CR1L: variants seen among roughly 807,000 people sequenced by gnomAD.
The protein encoded by CR1L is complement C3b/C4b receptor 1 like, also known as complement component receptor 1-like protein.
CR1L carries 59 observed loss-of-function variants against 62.3 expected under a neutral mutation model. The ratio of observed to expected loss-of-function variants is 0.95; its 90% CI spans 0.77 to 1.18. The LOEUF is 1.18. Among genes scored for constraint, CR1L ranks in the 50% most tolerant of loss-of-function variants. CR1L has a pLI of 0.00. For missense variants in CR1L, 700 were observed against 702.8 expected (o/e 1.00, Z 0.04); for synonymous variants, 279 against 248.7 (o/e 1.12, Z -1.15).
chr1:207,683,713 T>A (rs945562367), intron 3 of CR1L, among the ~76,000 whole-genome samples, 159 bp from the exon 4 acceptor site: 3 of 152,100 alleles, frequency 2.0e-5, no homozygotes, highest in African/African-American at 7.2e-5. Context: ...AATGACAAAG[T>A]CCCAAGAATG....
At chr1:207,673,244 A>C (rs1663640635) in intron 1 of CR1L, among the ~76,000 whole-genome samples, 1 of 152,222 alleles carries the variant, frequency 6.6e-6, no homozygotes, top group Non-Finnish European at 1.5e-5. Context: ...TTAAGTGATC[A>C]TGATTAACAG....
chr1:207,720,894 C>T (rs1242735743), intron 11 of CR1L, among the ~76,000 whole-genome samples: 4 of 152,176 alleles, frequency 2.6e-5, no homozygotes, highest in Admixed American at 1.3e-4. Context: ...AAAGCAACTG[C>T]TTTCCTAGAG....
intron 11 of CR1L, among the ~76,000 whole-genome samples, chr1:207,717,903 T>A (rs1286419557): frequency 2.0e-5 from 3 of 151,414 alleles, no homozygotes; most frequent in Non-Finnish European, 2.9e-5. Context: ...GTGAGGAGGG[T>A]GGGATGGTAA....
chr1:207,677,269 C>A, intron 1 of CR1L, 120 bp from the exon 2 acceptor site: 2 of 1,018,836 alleles, frequency 2.0e-6, no homozygotes, highest in East Asian at 2.9e-5. Flanking sequence ...GATCGCACCA[C>A]TGCACTCCAG....
intron 10 of CR1L, among the ~76,000 whole-genome samples, chr1:207,715,662 G>T (rs988370205): frequency 1.3e-5 from 2 of 151,210 alleles, no homozygotes; most frequent in Non-Finnish European, 3.0e-5. Context: ...GCACATTTTA[G>T]TCAGTCATTT....
At chr1:207,663,950 C>A (rs1286533243) in intron 1 of CR1L, among the ~76,000 whole-genome samples, 1 of 152,198 alleles carries the variant, frequency 6.6e-6, no homozygotes, top group East Asian at 1.9e-4. Flanking sequence ...CTCTTCCCTG[C>A]CTGCAGTCTT....
At chr1:207,696,705 CTG>C (rs1284424573) in intron 5 of CR1L, among the ~76,000 whole-genome samples, 1 of 152,186 alleles carries the variant, frequency 6.6e-6, no homozygotes, top group African/African-American at 2.4e-5. Flanking sequence ...CAAAGACAAA[CTG>C]AAATTATTTT....
intron 10 of CR1L, chr1:207,710,776 G>A: frequency 6.2e-7 from 1 of 1,601,178 alleles, no homozygotes; most frequent in Non-Finnish European, 8.5e-7. Flanking sequence ...CTACCAAGCT[G>A]CTCCAGGGGT....
chr1:207,678,279 A>C lies in CR1L; in HGVS notation c.359A>C (p.Lys120Thr), dbSNP rs748271995. ...IKDIQFRSQI[K>T]YSCPKGYRLI... ...GACATCCAGTTCAGATCCCAAATTA[A>C]ATATTCTTGTCCTAAAGGGTGAGTT... Residue 120 changes from lysine (K) to threonine (T), a missense_variant, in exon 3 of 12, where the codon AAA becomes ACA. Coordinates refer to ENST00000508064, the MANE Select transcript of CR1L (RefSeq NM_175710.2). 2 of 1,613,242 alleles carry C rather than the reference A, an allele frequency of 1.2e-6. No individual in the cohort carries two copies. The highest frequency in any genetic ancestry group is 2.7e-5 in the African/African-American group (2 of 74,898).
At chr1:207,702,056 T>C (rs1435385716) in intron 9 of CR1L, among the ~76,000 whole-genome samples, 1 of 152,178 alleles carries the variant, frequency 6.6e-6, no homozygotes, top group African/African-American at 2.4e-5. Flanking sequence ...GTTATGCTTT[T>C]TACAAATTGA....
intron 1 of CR1L, among the ~76,000 whole-genome samples, chr1:207,675,241 T>C (rs1258978316): frequency 6.6e-6 from 1 of 151,166 alleles, no homozygotes; most frequent in Admixed American, 6.6e-5. Flanking sequence ...ATTATTGATA[T>C]GAAAGGAAAA....
chr1:207,652,886 T>C (rs1310339401), intron 1 of CR1L, among the ~76,000 whole-genome samples: 6 of 152,088 alleles, frequency 3.9e-5, no homozygotes, highest in Non-Finnish European at 5.9e-5. Flanking sequence ...CTTTGAGAAA[T>C]TGAAATCTCC....
intron 1 of CR1L, among the ~76,000 whole-genome samples, chr1:207,665,946 G>A (rs1663515990): frequency 6.6e-6 from 1 of 152,194 alleles, no homozygotes; most frequent in Non-Finnish European, 1.5e-5. Context: ...ATACACGTGT[G>A]TTGGACCATG....
intron 4 of CR1L, among the ~76,000 whole-genome samples, chr1:207,688,670 A>T (rs1445691813): frequency 6.6e-6 from 1 of 152,202 alleles, no homozygotes; most frequent in East Asian, 1.9e-4. Flanking sequence ...CAATTTGTAG[A>T]CATTAACAAA....
rs930417844 is a variant in CR1L, at chr1:207,703,979, GA to G, written c.1328+2370del. 2.0e-4 allele frequency among the ~76,000 whole-genome samples: 30 copies of G among 149,694 alleles called. No individual in the cohort carries two copies. The East Asian group carries it at 2.4e-3, about 12-fold the overall frequency. The stretch of plus-strand genomic sequence containing the variant: ...AAAAAAAAGAAAAAGAAAAGAAAAG[GA>G]AAAAAAAATACATTTTGTAAGGCTA... On this transcript the variant is annotated intron_variant, in intron 9 of 11. Transcript: ENST00000508064.
chr1:207,715,543 C>T, intron 10 of CR1L: 1 of 463,724 alleles, frequency 2.2e-6, no homozygotes, highest in South Asian at 2.2e-5. Context: ...CAAGAAGGGT[C>T]TTGTAGGACT....
chr1:207,703,775 T>G (rs1664227689), intron 9 of CR1L, among the ~76,000 whole-genome samples: 2 of 152,168 alleles, frequency 1.3e-5, no homozygotes, highest in South Asian at 4.1e-4. Context: ...GCCAACATAG[T>G]GAAACCCCGT....
At chr1:207,678,944 T>A (rs1158360992) in intron 3 of CR1L, among the ~76,000 whole-genome samples, 1 of 151,884 alleles carries the variant, frequency 6.6e-6, no homozygotes, top group Admixed American at 6.6e-5. Context: ...TCCCTCTGGG[T>A]CTCTGTCCTC....
At chr1:207,678,826 T>C (rs1167353092) in intron 3 of CR1L, among the ~76,000 whole-genome samples, 2 of 152,096 alleles carry the variant, frequency 1.3e-5, no homozygotes, top group East Asian at 1.9e-4. Flanking sequence ...CTCCAAAACC[T>C]GTAGGGATGG....
Sources: allele counts gnomAD v4.1 joint callset (sites outside exome capture counted in the v4.1 genomes callset), GRCh38; gene constraint gnomAD v4.1.1; transcripts MANE v1.5; gene names NCBI Gene and HGNC (gene_info 2026-07-23, HGNC 2026-07-21).